The following ETV6 variants were observed in gnomAD, a reference collection of about 807,000 sequenced individuals.
ETV6 encodes ETS variant transcription factor 6, also known as transcription factor ETV6.
ETV6 carries 16 observed loss-of-function variants against 51.1 expected under a neutral mutation model. The ratio of observed to expected loss-of-function variants is 0.31; its 90% CI spans 0.21 to 0.48. The LOEUF (loss-of-function observed/expected upper bound fraction) is 0.48. ETV6 is among the 20% of genes least tolerant of loss of function. ETV6 has a pLI of 0.99. For synonymous variants in ETV6, 240 were observed against 224.1 expected (o/e 1.07, Z -0.64); for missense variants, 458 against 594.8 (o/e 0.77, Z 2.39).
intron 1 of ETV6, among the ~76,000 whole-genome samples, chr12:11,726,225 G>A (rs1345155082): frequency 3.3e-5 from 5 of 152,224 alleles, no homozygotes; most frequent in African/African-American, 1.2e-4. Flanking sequence ...ATGGCAAGGG[G>A]TATGTTTGGA....
intron 2 of ETV6, among the ~76,000 whole-genome samples, chr12:11,790,824 C>T (rs556873267): frequency 4.4e-4 from 67 of 151,834 alleles, no homozygotes; most frequent in Non-Finnish European, 6.2e-4. Flanking sequence ...ATCACAGGCG[C>T]GCGCCACCAC....
chr12:11,845,991 C>CAT (rs1946456396), intron 3 of ETV6, among the ~76,000 whole-genome samples: 1 of 118,026 alleles, frequency 8.5e-6, no homozygotes, highest in Non-Finnish European at 1.8e-5. Context: ...GACTCCGTCT[C>CAT]AAAAAAAAAA....
chr12:11,650,859 G>A (rs977652660), intron 1 of ETV6, among the ~76,000 whole-genome samples: 2 of 152,210 alleles, frequency 1.3e-5, no homozygotes, highest in African/African-American at 4.8e-5. Flanking sequence ...TGGAGGGAGA[G>A]GAAGAACTAA....
At chr12:11,706,735 C>T (rs1367222750) in intron 1 of ETV6, among the ~76,000 whole-genome samples, 1 of 152,232 alleles carries the variant, frequency 6.6e-6, no homozygotes, top group Non-Finnish European at 1.5e-5. Flanking sequence ...TGTTACAAGC[C>T]AGGTATTTCT....
intron 2 of ETV6, among the ~76,000 whole-genome samples, chr12:11,759,764 G>C (rs1239006526): frequency 3.6e-5 from 3 of 83,944 alleles, no homozygotes; most frequent in Admixed American, 1.6e-4. Context: ...TGTGATAAAG[G>C]TTCAGTGTGT....
In ETV6 at chr12:11,885,117, T is replaced by G. The variant is rs2136598742; in HGVS notation, c.1152+530T>G. Among the ~76,000 whole-genome samples the G allele has an allele frequency of 2.0e-5, 3 of 152,330 alleles. No individual in the cohort carries two copies. The Middle Eastern group carries it at 0.01, about 518-fold the overall frequency. On this transcript the variant is annotated intron_variant, in intron 6 of 7. Coordinates refer to ENST00000396373, the MANE Select transcript of ETV6 (RefSeq NM_001987.5). ...GAGGAGGGAATGGAATTGAATAAAG[T>G]CTTTTGCAGTAAGGAAGACTGCTCA...
At chr12:11,744,947 A>G (rs1865880351) in intron 1 of ETV6, among the ~76,000 whole-genome samples, 1 of 152,154 alleles carries the variant, frequency 6.6e-6, no homozygotes, top group Non-Finnish European at 1.5e-5. Context: ...CATGTCAAGA[A>G]TGGAAAGTAT....
chr12:11,720,350 A>G (rs923304459), intron 1 of ETV6, among the ~76,000 whole-genome samples: 1 of 152,154 alleles, frequency 6.6e-6, no homozygotes, highest in Non-Finnish European at 1.5e-5. Flanking sequence ...GGCAAAGGCA[A>G]CTCTGTGTTC....
chr12:11,825,159 CACA>C (rs1303334671), intron 2 of ETV6, among the ~76,000 whole-genome samples: 2 of 152,076 alleles, frequency 1.3e-5, no homozygotes, highest in African/African-American at 4.8e-5. Context: ...GTGGGGCAAA[CACA>C]ACATCAATCA....
intron 1 of ETV6, among the ~76,000 whole-genome samples, chr12:11,743,122 G>A (rs1387139157): frequency 6.6e-6 from 1 of 152,110 alleles, no homozygotes; most frequent in Non-Finnish European, 1.5e-5. Context: ...TTATCTTTGA[G>A]ATAATACCGT....
chr12:11,881,679 G>A (rs1420381032), intron 5 of ETV6, among the ~76,000 whole-genome samples: 1 of 152,200 alleles, frequency 6.6e-6, no homozygotes, highest in African/African-American at 2.4e-5. Context: ...AGTTAGTTAG[G>A]ATTTCAACAG....
At chr12:11,841,399 T>A (rs1019959865) in intron 3 of ETV6, among the ~76,000 whole-genome samples, 1 of 152,034 alleles carries the variant, frequency 6.6e-6, no homozygotes, top group African/African-American at 2.4e-5. Flanking sequence ...AGAGAAGGAA[T>A]GGAGTTGGTT....
intron 1 of ETV6, among the ~76,000 whole-genome samples, chr12:11,707,683 T>C (rs1468618406): frequency 6.6e-6 from 1 of 152,210 alleles, no homozygotes; most frequent in Non-Finnish European, 1.5e-5. Context: ...TCGGGACCTT[T>C]CTTTGATTCA....
chr12:11,846,396 G>T (rs1235159798), intron 3 of ETV6, among the ~76,000 whole-genome samples: 1 of 152,120 alleles, frequency 6.6e-6, no homozygotes, highest in African/African-American at 2.4e-5. Context: ...CAATGTTAGG[G>T]TTCTACTTTA....
intron 2 of ETV6, among the ~76,000 whole-genome samples, chr12:11,836,040 G>A (rs1056619829): frequency 6.6e-6 from 1 of 152,236 alleles, no homozygotes; most frequent in Admixed American, 6.5e-5. Context: ...AGTACTAGGT[G>A]CATAGTAGTG....
At chr12:11,794,035 T>C (rs1167248170) in intron 2 of ETV6, among the ~76,000 whole-genome samples, 1 of 152,118 alleles carries the variant, frequency 6.6e-6, no homozygotes, top group Non-Finnish European at 1.5e-5. Flanking sequence ...TGTGAAAAGC[T>C]CAGCAACCGG....
chr12:11,711,323 G>C (rs890331665), intron 1 of ETV6, among the ~76,000 whole-genome samples: 36 of 152,192 alleles, frequency 2.4e-4, no homozygotes, highest in African/African-American at 8.7e-4. Flanking sequence ...GTCTCACTCA[G>C]TTGTTTAGTA....
At chr12:11,849,583 TTC>T (rs1389854010) in intron 3 of ETV6, among the ~76,000 whole-genome samples, 4 of 152,208 alleles carry the variant, frequency 2.6e-5, no homozygotes, top group Admixed American at 6.5e-5. Context: ...AAGACACATA[TTC>T]TGTGTTACTT....
At chr12:11,801,963 C>T (rs765672083) in intron 2 of ETV6, among the ~76,000 whole-genome samples, 8 of 152,194 alleles carry the variant, frequency 5.3e-5, no homozygotes, top group African/African-American at 9.7e-5. Context: ...TTGATACTCA[C>T]GCCCTCCTGC....
Sources: allele counts gnomAD v4.1 joint callset (sites outside exome capture counted in the v4.1 genomes callset), GRCh38; gene constraint gnomAD v4.1.1; transcripts MANE v1.5; gene names NCBI Gene and HGNC (gene_info 2026-07-23, HGNC 2026-07-21).